BTBD7: variants seen among roughly 807,000 people sequenced by gnomAD.
BTBD7 encodes BTB/POZ domain-containing protein 7.
In BTBD7, 38 loss-of-function variants were observed where a neutral mutation model predicts 99.9. The ratio of observed to expected loss-of-function variants is 0.38; its 90% CI spans 0.29 to 0.50. The LOEUF (loss-of-function observed/expected upper bound fraction) is 0.50. Ranked by LOEUF, BTBD7 falls within the 20% of genes least tolerant of loss-of-function variation. The pLI is 0.93. For missense variants in BTBD7, 1,170 were observed against 1,394.6 expected (o/e 0.84, Z 2.57); for synonymous variants, 520 against 511.4 (o/e 1.02, Z -0.23).
intron 10 of BTBD7, among the ~76,000 whole-genome samples, chr14:93,245,467 C>T (rs1309749896): frequency 1.3e-5 from 2 of 152,194 alleles, no homozygotes; most frequent in Non-Finnish European, 2.9e-5. Flanking sequence ...GTGGATTTTA[C>T]AGAATAGTAG....
chr14:93,295,372 T>C lies in BTBD7; in HGVS notation c.83-435A>G, dbSNP rs183287750. On this transcript the variant is annotated intron_variant, in intron 2 of 10. Transcript: ENST00000334746. Reference sequence around the variant, plus strand: ...ACTCCTGTCCTGGCCTCATGCAATCTTCCTGCCTTGGCCTCCTAAAGTGCT... The same window carrying C: ...ACTCCTGTCCTGGCCTCATGCAATCCTCCTGCCTTGGCCTCCTAAAGTGCT... Among the ~76,000 whole-genome samples the C allele has an allele frequency of 3.9e-5, 6 of 152,298 alleles. No individual in the cohort carries two copies. The East Asian group carries it at 1.2e-3, about 29-fold the overall frequency.
Position 93,294,339 on chromosome 14 carries a change from A to G in BTBD7, c.681T>C (p.Phe227=). 2 of 1,614,204 alleles carry G rather than the reference A, an allele frequency of 1.2e-6. No individual in the cohort carries two copies. Among genetic ancestry groups the G allele is most frequent in the Non-Finnish European group, 1.7e-6 (2 of 1,180,048 alleles). ...VDILVQLSEE[F]GTPNSLDVDM... ...CTACATCAAGGGAATTTGGTGTTCC[A>G]AATTCTTCACTAAGCTGAACAAGGA... Residue 227 remains phenylalanine (F), a synonymous_variant, in exon 3 of 11, where the codon TTT becomes TTC. Transcript: ENST00000334746.
chr14:93,283,663 T>C (rs2052746043), intron 3 of BTBD7, among the ~76,000 whole-genome samples: 1 of 152,206 alleles, frequency 6.6e-6, no homozygotes, highest in Non-Finnish European at 1.5e-5. Context: ...GCAATTTTCA[T>C]GCCTCAGCCA....
At chr14:93,314,463 G>C (rs2053176158) in intron 1 of BTBD7, among the ~76,000 whole-genome samples, 1 of 151,976 alleles carries the variant, frequency 6.6e-6, no homozygotes, top group South Asian at 2.1e-4. Flanking sequence ...TCATAATATA[G>C]CAAGGTTGCA....
rs374201077 is a variant in BTBD7 at position 93,291,575 on chromosome 14, G to A, written c.1162+2283C>T. On this transcript the variant is annotated intron_variant, in intron 3 of 10. Coordinates refer to ENST00000334746, the MANE Select transcript of BTBD7 (RefSeq NM_001002860.4). ...TTTCATGGGTATGGGGGAAAGATAT[G>A]CCCCACATGGGTTACAAAAAACAAA... Among the ~76,000 whole-genome samples the A allele has an allele frequency of 1.5e-4, 23 of 152,142 alleles. 1 individual carries two copies. In the East Asian group the frequency reaches 4.1e-3, roughly 27 times the overall value.
intron 5 of BTBD7, among the ~76,000 whole-genome samples, chr14:93,257,560 C>T (rs1396179102): frequency 6.6e-6 from 1 of 152,174 alleles, no homozygotes; most frequent in African/African-American, 2.4e-5. Flanking sequence ...ATCAACAGTA[C>T]AATAAAATTA....
intron 1 of BTBD7, among the ~76,000 whole-genome samples, chr14:93,316,265 T>TTTTA (rs1555393243): frequency 2.7e-5 from 4 of 149,750 alleles, no homozygotes; most frequent in African/African-American, 1.0e-4. Context: ...TTTTTTTTTT[T>TTTTA]AATTTTTTTT....
intron 10 of BTBD7, among the ~76,000 whole-genome samples, chr14:93,245,027 T>C (rs971336512): frequency 2.6e-5 from 4 of 151,914 alleles, no homozygotes; most frequent in Non-Finnish European, 5.9e-5. Flanking sequence ...ACTTAGCTAA[T>C]TCATTTGTTT....
chr14:93,255,173 T>A (rs540927014), intron 6 of BTBD7, among the ~76,000 whole-genome samples: 2 of 152,316 alleles, frequency 1.3e-5, no homozygotes, highest in Admixed American at 1.3e-4. Flanking sequence ...TGAGACAGGG[T>A]CTCACTCTGT....
chr14:93,319,844 A>C (rs1031334325), intron 1 of BTBD7, among the ~76,000 whole-genome samples: 4 of 152,250 alleles, frequency 2.6e-5, no homozygotes, highest in Admixed American at 6.5e-5. Flanking sequence ...GACAACACAT[A>C]TGAGAGACAA....
chr14:93,275,783 A>C (rs2052649940), intron 3 of BTBD7, among the ~76,000 whole-genome samples: 1 of 152,256 alleles, frequency 6.6e-6, no homozygotes, highest in Admixed American at 6.5e-5. Flanking sequence ...AACATTATAA[A>C]GGTACTGTGA....
At chr14:93,296,214 G>GA (rs2052925032) in intron 1 of BTBD7, 57 bp from the exon 2 acceptor site, 28 of 1,215,724 alleles carry the variant, frequency 2.3e-5, no homozygotes, top group Non-Finnish European at 2.7e-5. Context: ...TCAGATCACA[G>GA]TTTTTTTTAA....
Position 93,332,910 on chromosome 14 carries a change from C to T in BTBD7, c.-197G>A. 2 of 1,294,980 alleles carry T rather than the reference C, an allele frequency of 1.5e-6. No individual in the cohort carries two copies. Among genetic ancestry groups the T allele is most frequent in the South Asian group, 2.9e-5 (2 of 68,646 alleles). The allele number at this position is 1,294,980 out of a possible 1,614,324, so 80.2% of individuals were successfully genotyped here. A position where few individuals can be genotyped will look rare whatever the true frequency, so the allele number is the denominator to read the frequency against. ...CCACCAGCACCGCCGTCCGCACCGG[C>T]GCCAGCACCCCCGGCCATCCTCCTC... On this transcript the variant is annotated 5_prime_UTR_variant, in exon 1 of 11. Transcript: ENST00000334746.
intron 2 of BTBD7, among the ~76,000 whole-genome samples, chr14:93,295,696 C>CATT (rs2052917242): frequency 6.6e-6 from 1 of 152,158 alleles, no homozygotes; most frequent in Non-Finnish European, 1.5e-5. Flanking sequence ...ATATGTACTT[C>CATT]GCTGTTTTAA....
intron 1 of BTBD7, among the ~76,000 whole-genome samples, chr14:93,307,983 C>T (rs2053090316): frequency 6.6e-6 from 1 of 152,102 alleles, no homozygotes; most frequent in Non-Finnish European, 1.5e-5. Context: ...ACAGTCTAAG[C>T]CTCTTAGAAG....
In BTBD7 at chr14:93,281,642, A is replaced by G. The variant is rs936610361; in HGVS notation, c.1162+12216T>C. Among the ~76,000 whole-genome samples, 4 of 152,242 alleles carry G rather than the reference A, an allele frequency of 2.6e-5. No homozygotes were observed. The South Asian group carries it at 8.3e-4, about 31-fold the overall frequency. ...TCCCAAGGTTTATTAAGTATGAAAA[A>G]AAGTTATATAGTGTGATGTTATTTA... On this transcript the variant is annotated intron_variant, in intron 3 of 10. Coordinates refer to ENST00000334746, the MANE Select transcript of BTBD7 (RefSeq NM_001002860.4).
intron 3 of BTBD7, among the ~76,000 whole-genome samples, chr14:93,286,822 G>A (rs1331637532): frequency 6.6e-6 from 1 of 152,156 alleles, no homozygotes; most frequent in Non-Finnish European, 1.5e-5. Context: ...CAAATTATAA[G>A]CATGAGCTCA....
intron 2 of BTBD7, among the ~76,000 whole-genome samples, chr14:93,295,369 A>C (rs2052912961): frequency 6.6e-6 from 1 of 152,148 alleles, no homozygotes; most frequent in African/African-American, 2.4e-5. Flanking sequence ...GCCTCATGCA[A>C]TCTTCCTGCC....
Position 93,257,208 on chromosome 14 carries a change from A to T in BTBD7, c.1595T>A (p.Val532Asp). The change falls in exon 6 of 11, where the codon GTC (valine) becomes GAC (aspartate). Residue 532 changes from valine (V) to aspartate (D), a missense_variant. Val to Asp is a radical substitution (Grantham distance 152, BLOSUM62 -3). This residue lies in a region of BTBD7 where 309 missense variants were observed against 342.0 expected (regional missense o/e 0.90). Transcript: ENST00000334746. ...IEHILPINSE[V>D]LSDAMKRGLI... ...AAAAACACTTACTGCATCACTTAAG[A>T]CTTCACTGTTTATAGGTAAGATGTG... The T allele has an allele frequency of 6.2e-7, 1 of 1,613,916 alleles. No homozygotes were observed. The highest frequency in any genetic ancestry group is 2.2e-5 in the East Asian group (1 of 44,856).
Sources: allele counts gnomAD v4.1 joint callset (sites outside exome capture counted in the v4.1 genomes callset), GRCh38; gene constraint gnomAD v4.1.1; regional missense constraint gnomAD v4.1.1; transcripts MANE v1.5; gene names NCBI Gene and HGNC (gene_info 2026-07-23, HGNC 2026-07-21).